Variants in RBFOX1 observed in about 807,000 individuals in gnomAD.
RBFOX1 encodes the protein RNA binding fox-1 homolog 1, also known as RNA binding protein fox-1 homolog 1.
Under a neutral mutation model 57.7 loss-of-function variants are expected in RBFOX1, and 8 were observed. The observed-to-expected ratio is 0.14, with a 90% CI of 0.08 to 0.25. The LOEUF (loss-of-function observed/expected upper bound fraction) is 0.25. Ranked by LOEUF, RBFOX1 falls within the 10% of genes least tolerant of loss-of-function variation. RBFOX1 has a pLI of 1.00. For missense variants in RBFOX1, 611 were observed against 548.5 expected (o/e 1.11, Z -1.14); for synonymous variants, 326 against 222.4 (o/e 1.47, Z -4.15).
intron 2 of RBFOX1, among the ~76,000 whole-genome samples, chr16:6,408,309 T>C (rs182322658): frequency 6.6e-6 from 1 of 152,268 alleles, no homozygotes. Context: ...TTTACAGAGG[T>C]CTGTCTTAAG....
chr16:7,218,722 C>G (rs538675718), intron 4 of RBFOX1, among the ~76,000 whole-genome samples: 29 of 124,614 alleles, frequency 2.3e-4, no homozygotes, highest in African/African-American at 8.0e-4. Context: ...GGTAAGTCAT[C>G]TTAAAGTGTT....
At chr16:6,219,369 G>T (rs1323477873) in intron 1 of RBFOX1, among the ~76,000 whole-genome samples, 1 of 152,160 alleles carries the variant, frequency 6.6e-6, no homozygotes, top group Admixed American at 6.5e-5. Context: ...TACTCTGGAG[G>T]TCCAGGAGGT....
At chr16:5,734,217 G>A (rs567105991) in intron 3 of RBFOX1, among the ~76,000 whole-genome samples, 31 of 152,184 alleles carry the variant, frequency 2.0e-4, no homozygotes, top group East Asian at 3.9e-4. Context: ...CAATCTTAGC[G>A]CTTTGAGAGG....
chr16:5,362,290 A>T (rs2065574259), intron 1 of RBFOX1, among the ~76,000 whole-genome samples: 1 of 152,026 alleles, frequency 6.6e-6, no homozygotes, highest in Non-Finnish European at 1.5e-5. Context: ...TCCTGGGTTT[A>T]AGTGATTCTC....
chr16:7,443,034 C>A (rs1360534400), intron 4 of RBFOX1, among the ~76,000 whole-genome samples: 1 of 152,176 alleles, frequency 6.6e-6, no homozygotes, highest in Admixed American at 6.5e-5. Context: ...ATCCTTTTTA[C>A]TTTGGGCAGC....
intron 1 of RBFOX1, among the ~76,000 whole-genome samples, chr16:6,103,711 C>A (rs905904214): frequency 1.3e-5 from 2 of 152,080 alleles, no homozygotes; most frequent in African/African-American, 4.8e-5. Flanking sequence ...GAGGTCAAGT[C>A]TGGAGTGGAC....
At chr16:7,046,260 G>C (rs1001372911) in intron 3 of RBFOX1, among the ~76,000 whole-genome samples, 2 of 151,916 alleles carry the variant, frequency 1.3e-5, no homozygotes, top group Admixed American at 1.3e-4. Flanking sequence ...GTGTGTGTGT[G>C]TGTGTGTACA....
chr16:7,375,016 G>A (rs374790426), intron 4 of RBFOX1, among the ~76,000 whole-genome samples: 1 of 152,162 alleles, frequency 6.6e-6, no homozygotes, highest in Non-Finnish European at 1.5e-5. Context: ...GATATTCTCC[G>A]TTTATGCCCA....
chr16:5,511,215 C>A (rs911992234), intron 2 of RBFOX1, among the ~76,000 whole-genome samples: 1 of 152,182 alleles, frequency 6.6e-6, no homozygotes, highest in Non-Finnish European at 1.5e-5. Context: ...GCAGCAGTGG[C>A]AGCATTTTAA....
intron 2 of RBFOX1, among the ~76,000 whole-genome samples, chr16:6,467,042 G>A (rs943077208): frequency 4.0e-5 from 6 of 150,518 alleles, no homozygotes; most frequent in African/African-American, 9.7e-5. Flanking sequence ...TATTAATTAC[G>A]TGTAATGTAA....
chr16:7,031,744 C>A (rs561527028), intron 3 of RBFOX1, among the ~76,000 whole-genome samples: 3 of 152,104 alleles, frequency 2.0e-5, no homozygotes, highest in Admixed American at 1.3e-4. Flanking sequence ...ACTCTGTGCC[C>A]TCAAACAACA....
intron 3 of RBFOX1, among the ~76,000 whole-genome samples, chr16:6,878,973 A>G (rs2062375761): frequency 6.6e-6 from 1 of 152,146 alleles, no homozygotes; most frequent in Admixed American, 6.5e-5. Context: ...GATAAATAAA[A>G]TGACTTGTAT....
chr16:7,163,236 C>G (rs1567524795), intron 4 of RBFOX1, among the ~76,000 whole-genome samples: 1 of 152,076 alleles, frequency 6.6e-6, no homozygotes, highest in African/African-American at 2.4e-5. Context: ...TGGCCAATTT[C>G]TTTTGACTAT....
At chr16:5,252,918 C>G (rs2062488959) in intron 1 of RBFOX1, among the ~76,000 whole-genome samples, 1 of 152,186 alleles carries the variant, frequency 6.6e-6, no homozygotes, top group Admixed American at 6.5e-5. Flanking sequence ...TTAAACCACC[C>G]CAAACAAATA....
At chr16:5,434,424 C>T (rs190163864) in intron 1 of RBFOX1, among the ~76,000 whole-genome samples, 10 of 144,084 alleles carry the variant, frequency 6.9e-5, no homozygotes, top group Admixed American at 3.0e-4. Context: ...CAAGTTCAAG[C>T]GATTTTCCTG....
At chr16:7,073,671 C>T (rs2057777595) in intron 4 of RBFOX1, among the ~76,000 whole-genome samples, 1 of 151,814 alleles carries the variant, frequency 6.6e-6, no homozygotes, top group Non-Finnish European at 1.5e-5. Flanking sequence ...TGGCAAAACC[C>T]CTTCTCTACA....
chr16:6,249,748 C>A (rs534164041), intron 1 of RBFOX1, among the ~76,000 whole-genome samples: 1 of 150,108 alleles, frequency 6.7e-6, no homozygotes, highest in Non-Finnish European at 1.5e-5. Flanking sequence ...TGAAGAGTGT[C>A]CTGATCAGCT....
chr16:6,592,877 A>G (rs1392637933), intron 2 of RBFOX1, among the ~76,000 whole-genome samples: 1 of 152,120 alleles, frequency 6.6e-6, no homozygotes, highest in Non-Finnish European at 1.5e-5. Flanking sequence ...GGGTTTCTTG[A>G]GCATGTGATT....
At chr16:7,410,536 C>CTGG in intron 4 of RBFOX1, among the ~76,000 whole-genome samples, 1 of 152,256 alleles carries the variant, frequency 6.6e-6, no homozygotes, top group African/African-American at 2.4e-5. Context: ...ACAAAATTAG[C>CTGG]TGGGAGTGGT....
Sources: gnomAD v4.1 joint callset for allele counts (sites outside exome capture counted in the v4.1 genomes callset) on GRCh38, gnomAD v4.1.1 for gene constraint, MANE v1.5 for transcripts, NCBI Gene and HGNC (gene_info 2026-07-23, HGNC 2026-07-21) for gene names.